STRBP: variants seen among roughly 807,000 people sequenced by gnomAD.
STRBP encodes spermatid perinuclear RNA-binding protein.
Under a neutral mutation model 80.1 loss-of-function variants are expected in STRBP, and 13 were observed. That is an observed-to-expected ratio of 0.16 (90% CI 0.11 to 0.26). The LOEUF is 0.26. STRBP is among the 10% of genes least tolerant of loss of function. STRBP has a pLI of 1.00. For synonymous variants in STRBP, 284 were observed against 291.2 expected, an observed-to-expected ratio of 0.98 and a Z score of 0.25; for missense variants, 485 against 815.2, an observed-to-expected ratio of 0.59 and a Z score of 4.93.
At chr9:123,135,559 T>C (rs1010795831) in intron 16 of STRBP, among the ~76,000 whole-genome samples, 1 of 152,100 alleles carries the variant, frequency 6.6e-6, no homozygotes, top group Non-Finnish European at 1.5e-5. Context: ...GTGTCAGTAA[T>C]GAACAGACAC....
At chr9:123,135,829 A>G (rs753235040) in intron 16 of STRBP, 5 of 470,782 alleles carry the variant, frequency 1.1e-5, no homozygotes, top group Non-Finnish European at 1.9e-5. Context: ...ATAAATATAC[A>G]TGTACATATA....
chr9:123,128,117 A>G lies in STRBP; in HGVS notation c.1942+97T>C, dbSNP rs113669996. 25 of 1,421,642 alleles carry G rather than the reference A, an allele frequency of 1.8e-5. No homozygotes were observed. In the African/African-American group the frequency reaches 2.1e-4, roughly 12 times the overall value. The allele number at this position is 1,421,642 out of a possible 1,614,324, so 88.1% of individuals were successfully genotyped here. ...GGTCACTAGAATGAATAAATCTGAG[A>G]TCCTCCAATTAATTTACAAAAACCC... On this transcript the variant is annotated intron_variant, in intron 18 of 18. Transcript: ENST00000348403.
intron 2 of STRBP, among the ~76,000 whole-genome samples, chr9:123,232,671 G>A (rs756392468): frequency 1.3e-5 from 2 of 152,120 alleles, no homozygotes; most frequent in African/African-American, 2.4e-5. Flanking sequence ...AAAGCTCTAC[G>A]GACAGCCATG....
rs2038350053 is a variant in STRBP at position 123,179,223 on chromosome 9, G to A, written c.8C>T (p.Ser3Phe). 6.2e-7 allele frequency: 1 copy of A among 1,604,700 alleles called. No individual in the cohort carries two copies. The highest frequency in any genetic ancestry group is 1.3e-5 in the African/African-American group (1 of 74,912). MR[S>F]IRSFANDDRH... is the part of the protein sequence containing the mutation. ...ATCATCATTAGCAAAAGATCGAATA[G>A]ATCTCTGTTAGAAGGAGAACGAAAA... Residue 3 changes from serine (S) to phenylalanine (F), a missense_variant, in exon 4 of 19, where the codon TCT becomes TTT. Around this residue, in one of 3 missense-constraint regions of STRBP, gnomAD observed 377 missense variants for 616.1 expected, o/e 0.61. Transcript: ENST00000348403.
At chr9:123,160,295 A>G (rs2132396372) in intron 8 of STRBP, 72 bp downstream of exon 8, 1 of 1,095,692 alleles carries the variant, frequency 9.1e-7, no homozygotes. Flanking sequence ...ATTTTAAAGT[A>G]ACATCTCATT....
At chr9:123,160,308 T>G in intron 8 of STRBP, 59 bp downstream of exon 8, 2 of 1,275,426 alleles carry the variant, frequency 1.6e-6, no homozygotes, top group Non-Finnish European at 2.2e-6. Context: ...ATCTCATTTC[T>G]ACAGGATTTT....
rs377353620 is a variant in STRBP at position 123,136,557 on chromosome 9, T to C, written c.1498-42A>G. Reference sequence around the variant, plus strand: ...ATCTGAAGGTTCAATCAAGTAAGATTTTAGAATATTACATTTCTTATTAAT... The same window carrying C: ...ATCTGAAGGTTCAATCAAGTAAGATCTTAGAATATTACATTTCTTATTAAT... On this transcript the variant is annotated intron_variant, in intron 14 of 18. Coordinates refer to ENST00000348403, the MANE Select transcript of STRBP (RefSeq NM_018387.5). This position sits in a 1 kb window ranked among gnomAD's most constrained non-coding sequence, Gnocchi z 4.2. 1.3e-4 allele frequency: 213 copies of C among 1,598,220 alleles called. No individual in the cohort carries two copies. Among genetic ancestry groups the C allele is most frequent in the Admixed American group, 2.7e-4 (15 of 56,000 alleles).
chr9:123,216,022 A>G (rs1021515239), intron 2 of STRBP, among the ~76,000 whole-genome samples: 1 of 152,228 alleles, frequency 6.6e-6, no homozygotes, highest in Non-Finnish European at 1.5e-5. Flanking sequence ...ACTCACAGAA[A>G]TAAGATGTTT....
At chr9:123,223,326 A>G (rs2040132377) in intron 2 of STRBP, among the ~76,000 whole-genome samples, 1 of 152,220 alleles carries the variant, frequency 6.6e-6, no homozygotes, top group Non-Finnish European at 1.5e-5. Context: ...ACAGAACTGT[A>G]TAACAGAATG....
At chr9:123,214,657 C>G (rs2039832726) in intron 2 of STRBP, among the ~76,000 whole-genome samples, 1 of 152,152 alleles carries the variant, frequency 6.6e-6, no homozygotes, top group African/African-American at 2.4e-5. Flanking sequence ...TCCAGAAAGC[C>G]TTCCCTCATC....
chr9:123,219,633 G>A (rs557131878), intron 2 of STRBP, among the ~76,000 whole-genome samples: 6 of 152,298 alleles, frequency 3.9e-5, no homozygotes, highest in South Asian at 2.1e-4. Context: ...ATTGATGAAC[G>A]TGTACTTTTA....
chr9:123,214,157 C>T (rs1024070673), intron 2 of STRBP, among the ~76,000 whole-genome samples: 5 of 151,318 alleles, frequency 3.3e-5, no homozygotes, highest in African/African-American at 9.7e-5. Flanking sequence ...CACACACACA[C>T]ACACACACAC....
In STRBP at chr9:123,121,643, CT is replaced by C. The variant is rs2035737634; in HGVS notation, c.*3953del. 1 of 134,812 alleles carries C rather than the reference CT, an allele frequency of 7.4e-6. No individual in the cohort carries two copies. The highest frequency in any genetic ancestry group is 1.6e-5 in the Non-Finnish European group (1 of 62,102). 8.4% of individuals were successfully genotyped at this position (134,812 alleles called of 1,614,324 possible). Reference sequence around the variant, plus strand: ...TTTTTTTTTTTTTCATTTTCTATTGCTTTTTTCTATGGCTTCTTGCTGTTGT... The same window carrying C: ...TTTTTTTTTTTTTCATTTTCTATTGCTTTTTCTATGGCTTCTTGCTGTTGT... On this transcript the variant is annotated 3_prime_UTR_variant, in exon 19 of 19. Transcript: ENST00000348403.
chr9:123,195,679 G>C (rs1473985566), intron 2 of STRBP, among the ~76,000 whole-genome samples: 1 of 152,110 alleles, frequency 6.6e-6, no homozygotes, highest in Non-Finnish European at 1.5e-5. Context: ...ATAAAGTGCT[G>C]ATGGAAGAAA....
In STRBP at chr9:123,184,197, T is replaced by C; in HGVS notation, c.-63A>G. On this transcript the variant is annotated 5_prime_UTR_variant, in exon 3 of 19. Transcript: ENST00000348403. Reference sequence around the variant, plus strand: ...TTCCCCTCTTTCTTGTCGTCTTCACTAGACACTGTTTTGTGTAACAATACC... The same window carrying C: ...TTCCCCTCTTTCTTGTCGTCTTCACCAGACACTGTTTTGTGTAACAATACC... 1 of 1,553,998 alleles carries C rather than the reference T, an allele frequency of 6.4e-7. No individual in the cohort carries two copies. The highest frequency in any genetic ancestry group is 8.8e-7 in the Non-Finnish European group (1 of 1,132,944).
At chr9:123,130,695 C>T (rs1181261364) in intron 17 of STRBP, among the ~76,000 whole-genome samples, 1 of 152,084 alleles carries the variant, frequency 6.6e-6, no homozygotes, top group Non-Finnish European at 1.5e-5. Flanking sequence ...TAGTGAGACA[C>T]ACAGAAGACT....
intron 1 of STRBP, among the ~76,000 whole-genome samples, chr9:123,247,077 C>A (rs1407321541): frequency 1.3e-5 from 2 of 151,936 alleles, no homozygotes; most frequent in East Asian, 1.9e-4. Flanking sequence ...TTTGAAAAAA[C>A]CAGATTGAAA....
In STRBP at chr9:123,126,812, A is replaced by T. The variant is rs1488203108; in HGVS notation, c.1943-1139T>A. ...TAGTGAGCCAAAATGTACTTGGATAAATGGACCAGACCTAAGTCACAGAGA... is the reference window on the plus strand; with the variant it reads ...TAGTGAGCCAAAATGTACTTGGATATATGGACCAGACCTAAGTCACAGAGA... On this transcript the variant is annotated intron_variant, in intron 18 of 18. Coordinates refer to ENST00000348403, the MANE Select transcript of STRBP (RefSeq NM_018387.5). This position sits in a 1 kb window ranked among gnomAD's most constrained non-coding sequence, Gnocchi z 4.4. Among the ~76,000 whole-genome samples the T allele has an allele frequency of 6.6e-6, 1 of 152,196 alleles. No homozygotes were observed. Among genetic ancestry groups the T allele is most frequent in the Non-Finnish European group, 1.5e-5 (1 of 68,034 alleles).
At chr9:123,244,293 C>T (rs926703507) in intron 1 of STRBP, among the ~76,000 whole-genome samples, 2 of 152,062 alleles carry the variant, frequency 1.3e-5, no homozygotes, top group African/African-American at 2.4e-5. Flanking sequence ...GTGGTTGCCA[C>T]GAACTGGGGG....
Sources: allele counts gnomAD v4.1 joint callset (sites outside exome capture counted in the v4.1 genomes callset), GRCh38; gene constraint gnomAD v4.1.1; regional missense constraint gnomAD v4.1.1; non-coding constraint Gnocchi (gnomAD v3.1); transcripts MANE v1.5; gene names NCBI Gene and HGNC (gene_info 2026-07-23, HGNC 2026-07-21).